Variants in BICD1 observed in about 807,000 individuals in gnomAD.
The protein encoded by BICD1 is protein bicaudal D homolog 1.
In BICD1, 35 loss-of-function variants were observed where a neutral mutation model predicts 92.5. The observed-to-expected ratio is 0.38, with a 90% CI of 0.29 to 0.50. BICD1 has a LOEUF of 0.50. Among genes scored for constraint, BICD1 ranks in the 20% least tolerant of loss-of-function variants. The pLI is 0.93. For synonymous variants in BICD1, 429 were observed against 465.1 expected, an observed-to-expected ratio of 0.92 and a Z score of 1.00; for missense variants, 950 against 1,189.8, an observed-to-expected ratio of 0.80 and a Z score of 2.97.
chr12:32,307,264 T>C (rs776387491), intron 4 of BICD1, among the ~76,000 whole-genome samples: 3 of 152,146 alleles, frequency 2.0e-5, no homozygotes, highest in Non-Finnish European at 4.4e-5. Context: ...ACAGAACAGG[T>C]ATAATCTAAG....
At chr12:32,278,386 A>G (rs1431065354) in intron 2 of BICD1, among the ~76,000 whole-genome samples, 5 of 152,240 alleles carry the variant, frequency 3.3e-5, no homozygotes, top group African/African-American at 1.2e-4. Flanking sequence ...TCAAGCTAGT[A>G]AGCAAGAGAT....
At chr12:32,305,608 AAG>A in intron 3 of BICD1, 87 bp from the exon 4 acceptor site, 1 of 1,160,948 alleles carries the variant, frequency 8.6e-7, no homozygotes, top group Non-Finnish European at 1.2e-6. Context: ...GTATTTTGTT[AAG>A]TGATTAGGTC....
At chr12:32,156,255 T>C (rs1943434268) in intron 1 of BICD1, among the ~76,000 whole-genome samples, 1 of 152,150 alleles carries the variant, frequency 6.6e-6, no homozygotes, top group Non-Finnish European at 1.5e-5. Flanking sequence ...CACGCTACAG[T>C]TCAGGCAGCA....
At chr12:32,314,069 G>A (rs904246407) in intron 4 of BICD1, among the ~76,000 whole-genome samples, 1 of 152,142 alleles carries the variant, frequency 6.6e-6, no homozygotes, top group Non-Finnish European at 1.5e-5. Flanking sequence ...ACATTTTAAA[G>A]GTTCGTCCAT....
intron 4 of BICD1, among the ~76,000 whole-genome samples, chr12:32,317,499 T>G (rs1948535469): frequency 6.6e-6 from 1 of 152,248 alleles, no homozygotes; most frequent in African/African-American, 2.4e-5. Flanking sequence ...GCTGCATAAA[T>G]GTCTTCTTTT....
In BICD1 at chr12:32,313,681, G is replaced by C. The variant is rs1948432864; in HGVS notation, c.1005+7559G>C. 6.6e-6 allele frequency among the ~76,000 whole-genome samples: 1 copy of C among 152,158 alleles called. No individual in the cohort carries two copies. Among genetic ancestry groups the C allele is most frequent in the African/African-American group, 2.4e-5 (1 of 41,450 alleles). On this transcript the variant is annotated intron_variant, in intron 4 of 9. Coordinates refer to ENST00000652176, the MANE Select transcript of BICD1 (RefSeq NM_001714.4). This position sits in a 1 kb window ranked among gnomAD's most constrained non-coding sequence, Gnocchi z 4.2. ...TAAACTATTACAGATTTTATAGTTA[G>C]AGATTACAAACTAGCTGGGCGCAGT... is the stretch of plus-strand genomic sequence containing the variant.
chr12:32,242,074 G>C (rs967078746), intron 2 of BICD1, among the ~76,000 whole-genome samples: 3 of 149,682 alleles, frequency 2.0e-5, no homozygotes, highest in African/African-American at 7.3e-5. Context: ...AATTAGCTGG[G>C]CATGATGGTG....
At chr12:32,363,698 T>G (rs148162292) in intron 8 of BICD1, among the ~76,000 whole-genome samples, 210 of 152,304 alleles carry the variant, frequency 1.4e-3, no homozygotes, top group Non-Finnish European at 2.6e-3. Context: ...TTAGATTCAG[T>G]CTAATTTAAT....
At chr12:32,294,585 C>T (rs1195755426) in intron 3 of BICD1, among the ~76,000 whole-genome samples, 1 of 139,904 alleles carries the variant, frequency 7.1e-6, no homozygotes, top group Non-Finnish European at 1.5e-5. Context: ...TGTGCCACTG[C>T]ACTCCAGCCT....
chr12:32,251,279 A>G (rs1469829349), intron 2 of BICD1, among the ~76,000 whole-genome samples: 1 of 152,172 alleles, frequency 6.6e-6, no homozygotes, highest in African/African-American at 2.4e-5. Context: ...TAAAAATAAA[A>G]TCTTCCTCCT....
At chr12:32,114,015 G>A (rs1248033500) in intron 1 of BICD1, among the ~76,000 whole-genome samples, 2 of 151,802 alleles carry the variant, frequency 1.3e-5, no homozygotes, top group African/African-American at 2.4e-5. Context: ...GATTATAGGC[G>A]CGCGCCACCA....
In BICD1 at chr12:32,313,891, G is replaced by A. The variant is rs1027448748; in HGVS notation, c.1005+7769G>A. 3.3e-5 allele frequency among the ~76,000 whole-genome samples: 5 copies of A among 152,268 alleles called. No individual in the cohort carries two copies. The East Asian group carries it at 5.8e-4, about 18-fold the overall frequency. ...AGCTACTAGGGTCGCTGAGGTGGGA[G>A]GATTGCTTGAGTCTGGGAGGAGGTC... On this transcript the variant is annotated intron_variant, in intron 4 of 9. Coordinates refer to ENST00000652176, the MANE Select transcript of BICD1 (RefSeq NM_001714.4). The surrounding 1 kb of genome is among the most constrained non-coding windows in gnomAD (Gnocchi z 4.2).
At chr12:32,282,734 G>A (rs1947453473) in intron 2 of BICD1, among the ~76,000 whole-genome samples, 1 of 152,122 alleles carries the variant, frequency 6.6e-6, no homozygotes, top group Non-Finnish European at 1.5e-5. Flanking sequence ...AAGCAGCCAG[G>A]CAGGTAAGAG....
At chr12:32,200,643 T>G (rs904998236) in intron 1 of BICD1, among the ~76,000 whole-genome samples, 1 of 152,208 alleles carries the variant, frequency 6.6e-6, no homozygotes, top group Non-Finnish European at 1.5e-5. Flanking sequence ...GGAATAGTGT[T>G]GTTACTATAA....
intron 2 of BICD1, among the ~76,000 whole-genome samples, chr12:32,259,620 G>A (rs899278591): frequency 6.7e-6 from 1 of 150,292 alleles, no homozygotes; most frequent in African/African-American, 2.4e-5. Context: ...AGAGAGAAAG[G>A]AGAGATGGCA....
At position 32,164,887 on chromosome 12, in the gene BICD1, C is replaced by T. The variant is rs540442086; in HGVS notation, c.214-51360C>T. Reference sequence around the variant, plus strand: ...AATTGTCAGTGTTTGTACTCTTCATCAAAATTATTTTTAATGAGCTCCCTG... The same window carrying T: ...AATTGTCAGTGTTTGTACTCTTCATTAAAATTATTTTTAATGAGCTCCCTG... On this transcript the variant is annotated intron_variant, in intron 1 of 9. Transcript: ENST00000652176. Among the ~76,000 whole-genome samples the T allele has an allele frequency of 5.9e-5, 9 of 152,244 alleles. No homozygotes were observed. The South Asian group carries it at 1.7e-3, about 28-fold the overall frequency.
chr12:32,381,177 A>G lies in BICD1; in HGVS notation c.*3550A>G, dbSNP rs1389434763. 1 of 152,094 alleles carries G rather than the reference A, an allele frequency of 6.6e-6. No individual in the cohort carries two copies. Among genetic ancestry groups the G allele is most frequent in the Non-Finnish European group, 1.5e-5 (1 of 67,958 alleles). The allele number at this position is 152,094 out of a possible 1,614,324, so 9.4% of individuals were successfully genotyped here. ...ATGGCAATCTTTATTTTTCCAAGAT[A>G]TTTGTTGGAAAAAAATGATCGTTGG... On this transcript the variant is annotated 3_prime_UTR_variant, in exon 10 of 10. Transcript: ENST00000652176.
chr12:32,204,346 C>A (rs75585569), intron 1 of BICD1, among the ~76,000 whole-genome samples: 1,829 of 131,540 alleles, frequency 0.014, 5 homozygotes, highest in African/African-American at 0.023. Flanking sequence ...GAGACCCTGT[C>A]AAAAAAAAAA....
chr12:32,205,371 G>A (rs1945018936), intron 1 of BICD1, among the ~76,000 whole-genome samples: 1 of 151,976 alleles, frequency 6.6e-6, no homozygotes, highest in Non-Finnish European at 1.5e-5. Flanking sequence ...GATTCTAATG[G>A]GTTCGTAAGG....
Sources: allele counts gnomAD v4.1 joint callset (sites outside exome capture counted in the v4.1 genomes callset), GRCh38; gene constraint gnomAD v4.1.1; non-coding constraint Gnocchi (gnomAD v3.1); transcripts MANE v1.5; gene names NCBI Gene and HGNC (gene_info 2026-07-23, HGNC 2026-07-21).